GALNT10: variants seen among roughly 807,000 people sequenced by gnomAD.
The protein encoded by GALNT10 is GalNAc transferase 10.
Under a neutral mutation model 75.0 loss-of-function variants are expected in GALNT10, and 41 were observed. That is an observed-to-expected ratio of 0.55 (90% confidence interval 0.43 to 0.71). The LOEUF (loss-of-function observed/expected upper bound fraction) is 0.71, where lower values mean the gene tolerates loss of function less well. GALNT10 is among the 30% of genes least tolerant of loss of function. The pLI, the probability that GALNT10 is intolerant of heterozygous loss-of-function variation, is 0.00. For synonymous variants in GALNT10, 302 were observed against 313.0 expected (o/e 0.96, Z 0.37); for missense variants, 727 against 818.5 (o/e 0.89, Z 1.36).
intron 1 of GALNT10, among the ~76,000 whole-genome samples, chr5:154,272,030 T>C (rs1753873826): frequency 1.3e-5 from 2 of 152,212 alleles, no homozygotes; most frequent in South Asian, 4.1e-4. Flanking sequence ...CAGCATATTT[T>C]TGCCTTCTGA....
At chr5:154,236,288 G>T (rs775555852) in intron 1 of GALNT10, among the ~76,000 whole-genome samples, 2 of 152,186 alleles carry the variant, frequency 1.3e-5, no homozygotes, top group Non-Finnish European at 2.9e-5. Flanking sequence ...CAGGAATTCC[G>T]TGAGATAATC....
chr5:154,259,813 G>A (rs1196174976), intron 1 of GALNT10, among the ~76,000 whole-genome samples: 1 of 152,182 alleles, frequency 6.6e-6, no homozygotes, highest in Non-Finnish European at 1.5e-5. Flanking sequence ...CTTCCAAATT[G>A]AAATTAGCAA....
intron 1 of GALNT10, among the ~76,000 whole-genome samples, chr5:154,260,546 C>G (rs558172631): frequency 6.6e-6 from 1 of 152,134 alleles, no homozygotes; most frequent in African/African-American, 2.4e-5. Context: ...GGATGCACCC[C>G]TTTTTAAATG....
Position 154,400,833 on chromosome 5 carries a change from G to A in GALNT10, c.1057-3271G>A, listed in dbSNP as rs889672541. Among the ~76,000 whole-genome samples, 11 of 152,200 alleles carry A rather than the reference G, an allele frequency of 7.2e-5. 1 individual carries two copies. The highest frequency in any genetic ancestry group is 6.5e-4 in the Admixed American group (10 of 15,290). On this transcript the variant is annotated intron_variant, in intron 7 of 11. Transcript: ENST00000297107. The stretch of plus-strand genomic sequence containing the variant: ...AAGAAGTGAGTGGAATGAGGTGAGG[G>A]TGGAGGGCTGCACGGGGCTCTTGGT...
At chr5:154,313,673 G>T (rs992402861) in intron 3 of GALNT10, among the ~76,000 whole-genome samples, 1 of 152,176 alleles carries the variant, frequency 6.6e-6, no homozygotes, top group Non-Finnish European at 1.5e-5. Context: ...AATCTTTTGG[G>T]TCCTTTTATT....
intron 4 of GALNT10, among the ~76,000 whole-genome samples, chr5:154,353,808 G>A (rs187510842): frequency 6.6e-6 from 1 of 152,296 alleles, no homozygotes; most frequent in East Asian, 1.9e-4. Flanking sequence ...CCCCTCCTCT[G>A]TGATGCCTTC....
chr5:154,251,682 G>C (rs1474533886), intron 1 of GALNT10, among the ~76,000 whole-genome samples: 1 of 152,110 alleles, frequency 6.6e-6, no homozygotes, highest in Non-Finnish European at 1.5e-5. Flanking sequence ...AGTAGTCTTT[G>C]ATGACTGCCT....
At chr5:154,277,450 G>C (rs891476559) in intron 1 of GALNT10, among the ~76,000 whole-genome samples, 2 of 146,068 alleles carry the variant, frequency 1.4e-5, no homozygotes, top group Non-Finnish European at 3.0e-5. Context: ...AACTTCAATA[G>C]GTGTGGAAAG....
chr5:154,274,863 G>A (rs2113043802), intron 1 of GALNT10, among the ~76,000 whole-genome samples: 1 of 152,272 alleles, frequency 6.6e-6, no homozygotes, highest in Admixed American at 6.5e-5. Flanking sequence ...GCTGGAGCTG[G>A]GGTAGCAGCT....
chr5:154,381,010 C>T (rs1206485795), intron 6 of GALNT10, among the ~76,000 whole-genome samples: 1 of 152,184 alleles, frequency 6.6e-6, no homozygotes. Flanking sequence ...CCCCCTACAA[C>T]TATATATGGT....
chr5:154,358,212 G>C (rs1416090279), intron 4 of GALNT10, among the ~76,000 whole-genome samples: 1 of 152,150 alleles, frequency 6.6e-6, no homozygotes, highest in Admixed American at 6.5e-5. Context: ...CTTGATAAGG[G>C]GAAGGAATGG....
At position 154,210,408 on chromosome 5, in the gene GALNT10, A is replaced by C. The variant is rs74612726; in HGVS notation, c.159+19383A>C. Among the ~76,000 whole-genome samples the C allele has an allele frequency of 8.7e-4, 133 of 152,062 alleles. 1 individual carries two copies. In the East Asian group the frequency reaches 0.023, roughly 26 times the overall value. ...CATACACACACACACACACACACAC[A>C]CACACAGTTTTGCTTGGCTAATTCT... On this transcript the variant is annotated intron_variant, in intron 1 of 11. Transcript: ENST00000297107.
At chr5:154,318,442 CT>C (rs1754629259) in intron 3 of GALNT10, among the ~76,000 whole-genome samples, 2 of 68,860 alleles carry the variant, frequency 2.9e-5, no homozygotes, top group Non-Finnish European at 6.6e-5. Flanking sequence ...CTATAAAATA[CT>C]AATATATATA....
At chr5:154,408,374 G>A (rs1756326861) in intron 8 of GALNT10, among the ~76,000 whole-genome samples, 2 of 152,140 alleles carry the variant, frequency 1.3e-5, no homozygotes, top group Admixed American at 1.3e-4. Context: ...TACGAAGGAG[G>A]TAAAACCGAA....
chr5:154,269,715 A>G (rs77067081), intron 1 of GALNT10, among the ~76,000 whole-genome samples: 2 of 152,298 alleles, frequency 1.3e-5, no homozygotes, highest in East Asian at 3.9e-4. Flanking sequence ...GTGGGCAGAG[A>G]ACAGTGTCAG....
At chr5:154,404,671 G>T (rs192336366) in intron 8 of GALNT10, among the ~76,000 whole-genome samples, 1 of 152,180 alleles carries the variant, frequency 6.6e-6, no homozygotes, top group South Asian at 2.1e-4. Flanking sequence ...TAAAGTAGGT[G>T]CAAAGTTAGA....
chr5:154,412,825 G>C lies in GALNT10; in HGVS notation c.1387-64G>C. The C allele has an allele frequency of 9.2e-7, 1 of 1,087,466 alleles. No individual in the cohort carries two copies. Among genetic ancestry groups the C allele is most frequent in the Non-Finnish European group, 1.4e-6 (1 of 702,742 alleles). 67.4% of individuals were successfully genotyped at this position (1,087,466 alleles called of 1,614,324 possible). A position where few individuals can be genotyped will look rare whatever the true frequency, so the allele number is the denominator to read the frequency against. On this transcript the variant is annotated intron_variant, in intron 9 of 11. Transcript: ENST00000297107. This position sits in a 1 kb window ranked among gnomAD's most constrained non-coding sequence, Gnocchi z 4.2. The stretch of plus-strand genomic sequence containing the variant: ...CCCACTTGGTTTCCCCTTTCACCTG[G>C]CAGGGACCCGGTGGGCACCTTAAGG...
intron 1 of GALNT10, among the ~76,000 whole-genome samples, chr5:154,226,074 G>GTA (rs1753059835): frequency 6.6e-6 from 1 of 151,420 alleles, no homozygotes; most frequent in Admixed American, 6.6e-5. Flanking sequence ...CATGGCACAT[G>GTA]TATATATATG....
chr5:154,380,449 C>T lies in GALNT10; in HGVS notation c.756C>T (p.Asp252=), dbSNP rs1755715474. 1 of 1,612,134 alleles carries T rather than the reference C, an allele frequency of 6.2e-7. No individual in the cohort carries two copies. The highest frequency in any genetic ancestry group is 1.3e-5 in the African/African-American group (1 of 74,876). The change falls in exon 6 of 12, where the codon GAC becomes GAT. Residue 252 remains aspartate, a splice_region_variant and synonymous_variant. Transcript: ENST00000297107. ...ATAGGCATCTCTTGGCTTCTTCAGA[C>T]CGCATTGCTCGGAACCGCAAGACCA... ...ANVNWLPPLL[D]RIARNRKTIV...
Sources: gnomAD v4.1 joint callset for allele counts (sites outside exome capture counted in the v4.1 genomes callset) on GRCh38, gnomAD v4.1.1 for gene constraint, Gnocchi (gnomAD v3.1) non-coding constraint, MANE v1.5 for transcripts, NCBI Gene and HGNC (gene_info 2026-07-23, HGNC 2026-07-21) for gene names.